Variants in OSBPL5 observed in about 807,000 individuals in gnomAD.
OSBPL5 encodes oxysterol binding protein like 5.
A neutral mutation model predicts 111.2 loss-of-function variants in OSBPL5; 71 were observed. That is an observed-to-expected ratio of 0.64 (90% CI 0.53 to 0.78). The LOEUF (loss-of-function observed/expected upper bound fraction) is 0.78. Ranked by LOEUF, OSBPL5 falls within the 30% of genes least tolerant of loss-of-function variation. OSBPL5 has a pLI of 0.00. For missense variants in OSBPL5, 1,210 were observed against 1,189.3 expected, an observed-to-expected ratio of 1.02 and a Z score of -0.26; for synonymous variants, 549 against 513.9, an observed-to-expected ratio of 1.07 and a Z score of -0.93.
intron 21 of OSBPL5, 150 bp from the exon 22 acceptor site, chr11:3,088,493 G>C: frequency 1.1e-6 from 1 of 942,290 alleles, no homozygotes; most frequent in Non-Finnish European, 1.4e-6. Flanking sequence ...AACAGAGCGG[G>C]TGGGGGTGGA....
chr11:3,124,368 G>A (rs1443847902), intron 3 of OSBPL5, among the ~76,000 whole-genome samples: 1 of 152,210 alleles, frequency 6.6e-6, no homozygotes, highest in Non-Finnish European at 1.5e-5. Context: ...GGAGGAGGCA[G>A]ATCTGAGTGA....
Position 3,090,550 on chromosome 11 carries a change from G to C in OSBPL5, c.2398+8C>G, listed in dbSNP as rs761860423. The C allele has an allele frequency of 6.2e-7, 1 of 1,611,862 alleles. No homozygotes were observed. ...AGAGGCCTTGGGGCTGGGCCCAAGG[G>C]GGCTCACCAGGGACAAAGTCACCAT... On this transcript the variant is annotated splice_region_variant and intron_variant, in intron 20 of 21. Coordinates refer to ENST00000263650, the MANE Select transcript of OSBPL5 (RefSeq NM_020896.4).
chr11:3,108,047 G>C (rs573486968), intron 7 of OSBPL5, 102 bp from the exon 8 acceptor site: 1 of 1,453,442 alleles, frequency 6.9e-7, no homozygotes, highest in Admixed American at 2.1e-5. Context: ...ACTCTTCAGG[G>C]ACCCACCCCC....
intron 1 of OSBPL5, among the ~76,000 whole-genome samples, chr11:3,157,092 C>T (rs569681864): frequency 1.3e-5 from 2 of 152,374 alleles, no homozygotes; most frequent in South Asian, 4.1e-4. Context: ...GCGGTGCTTA[C>T]GGCCCAGGGC....
At chr11:3,157,874 G>C (rs1362758380) in intron 1 of OSBPL5, among the ~76,000 whole-genome samples, 1 of 152,204 alleles carries the variant, frequency 6.6e-6, no homozygotes, top group Non-Finnish European at 1.5e-5. Flanking sequence ...ACGAGGGTGG[G>C]GATTCCTGAC....
intron 1 of OSBPL5, among the ~76,000 whole-genome samples, chr11:3,138,263 C>A (rs12292078): frequency 0.031 from 4,773 of 152,320 alleles, 112 homozygotes; most frequent in East Asian, 0.068. Flanking sequence ...CCCTAAGAAG[C>A]CCTGGCATGG....
chr11:3,101,357 A>C (rs935014508), intron 13 of OSBPL5, among the ~76,000 whole-genome samples: 1 of 152,126 alleles, frequency 6.6e-6, no homozygotes, highest in African/African-American at 2.4e-5. Context: ...CTTTCCATGT[A>C]GGTGCCCTCT....
At position 3,159,892 on chromosome 11, in the gene OSBPL5, C is replaced by G. The variant is rs554167047; in HGVS notation, c.-22+5324G>C. On this transcript the variant is annotated intron_variant, in intron 1 of 21. Coordinates refer to ENST00000263650, the MANE Select transcript of OSBPL5 (RefSeq NM_020896.4). ...GAGCCTCACTTTACAGACGGGGTAACCAAGGTTTAGGAGGCAAATAAACTC... is the reference window on the plus strand; with the variant it reads ...GAGCCTCACTTTACAGACGGGGTAAGCAAGGTTTAGGAGGCAAATAAACTC... Among the ~76,000 whole-genome samples the G allele has an allele frequency of 5.9e-5, 9 of 152,250 alleles. No individual in the cohort carries two copies. The East Asian group carries it at 1.7e-3, about 29-fold the overall frequency.
chr11:3,093,389 AC>A (rs1564821705), intron 17 of OSBPL5, 137 bp downstream of exon 17: 18 of 1,334,456 alleles, frequency 1.3e-5, no homozygotes. Context: ...GTGATCTGCC[AC>A]CAGGGGTGCA....
chr11:3,150,301 C>T (rs891734981), intron 1 of OSBPL5, among the ~76,000 whole-genome samples: 1 of 150,788 alleles, frequency 6.6e-6, no homozygotes, highest in African/African-American at 2.5e-5. Flanking sequence ...TTAAAGACAG[C>T]TTTTTTTAAA....
rs534940637 is a variant in OSBPL5, at chr11:3,161,655, C to T, written c.-22+3561G>A. 7.2e-5 allele frequency among the ~76,000 whole-genome samples: 11 copies of T among 152,002 alleles called. No homozygotes were observed. The highest frequency in any genetic ancestry group is 1.9e-4 in the African/African-American group (8 of 41,454). ...CGGCACCCACCAGGGACAGATGCCACGCACCAGCGGCGCCCACCATGAACC... is the reference window on the plus strand; with the variant it reads ...CGGCACCCACCAGGGACAGATGCCATGCACCAGCGGCGCCCACCATGAACC... On this transcript the variant is annotated intron_variant, in intron 1 of 21. Transcript: ENST00000263650. This position sits in a 1 kb window ranked among gnomAD's most constrained non-coding sequence, Gnocchi z 8.0.
intron 1 of OSBPL5, among the ~76,000 whole-genome samples, chr11:3,147,426 A>G (rs1269790834): frequency 6.6e-6 from 1 of 152,254 alleles, no homozygotes; most frequent in Non-Finnish European, 1.5e-5. Flanking sequence ...GCCCATGGTG[A>G]CAAGGCCTGC....
Position 3,104,779 on chromosome 11 carries a change from G to A in OSBPL5, c.1060-402C>T, listed in dbSNP as rs1232665982. 6.6e-6 allele frequency among the ~76,000 whole-genome samples: 1 copy of A among 152,102 alleles called. No homozygotes were observed. The highest frequency in any genetic ancestry group is 2.4e-5 in the African/African-American group (1 of 41,416). On this transcript the variant is annotated intron_variant, in intron 9 of 21. Transcript: ENST00000263650. This position sits in a 1 kb window ranked among gnomAD's most constrained non-coding sequence, Gnocchi z 5.0. ...CTTCACAGCTGCCAGGGGAGGCAGG[G>A]ATTTGGCCTGCTCTTCCATTTTTTA...
intron 4 of OSBPL5, 114 bp downstream of exon 4, chr11:3,122,234 G>C: frequency 1.5e-6 from 2 of 1,342,720 alleles, no homozygotes; most frequent in South Asian, 1.3e-5. Context: ...GTGTGGAGGC[G>C]ACCAGGTGCG....
chr11:3,143,997 T>G (rs893965115), intron 1 of OSBPL5, among the ~76,000 whole-genome samples: 1 of 152,122 alleles, frequency 6.6e-6, no homozygotes, highest in African/African-American at 2.4e-5. Flanking sequence ...GTCGATGGCC[T>G]CAAGTCACAC....
intron 1 of OSBPL5, among the ~76,000 whole-genome samples, chr11:3,150,391 A>G (rs1846542225): frequency 6.6e-6 from 1 of 151,990 alleles, no homozygotes; most frequent in Non-Finnish European, 1.5e-5. Context: ...GGCACCTGGG[A>G]CCAGGATGCA....
chr11:3,120,024 C>T, intron 6 of OSBPL5: 1 of 411,016 alleles, frequency 2.4e-6, no homozygotes, highest in East Asian at 4.6e-5. Flanking sequence ...TCTGATGTTT[C>T]TCTGAAATCC....
At chr11:3,120,775 A>T (rs1858381137) in intron 5 of OSBPL5, 151 bp from the exon 6 acceptor site, 1 of 800,478 alleles carries the variant, frequency 1.2e-6, no homozygotes. Context: ...TTCGGAACTC[A>T]CCCCTTCCTC....
rs190089912 is a variant in OSBPL5, at chr11:3,133,284, G to A, written c.-21-4115C>T. On this transcript the variant is annotated intron_variant, in intron 1 of 21. Coordinates refer to ENST00000263650, the MANE Select transcript of OSBPL5 (RefSeq NM_020896.4). ...CCCCAGGGAGCACAGCCCCTGATGG[G>A]AACCCCCCATGAGGGGAGGGAGAGA... 5.9e-4 allele frequency among the ~76,000 whole-genome samples: 90 copies of A among 152,378 alleles called. No homozygotes were observed. The East Asian group carries it at 0.013, about 22-fold the overall frequency.
Sources: gnomAD v4.1 joint callset for allele counts (sites outside exome capture counted in the v4.1 genomes callset) on GRCh38, gnomAD v4.1.1 for gene constraint, Gnocchi (gnomAD v3.1) non-coding constraint, MANE v1.5 for transcripts, NCBI Gene and HGNC (gene_info 2026-07-23, HGNC 2026-07-21) for gene names.